Variants in PXDN observed in about 807,000 individuals in gnomAD.
PXDN encodes the protein peroxidasin homolog.
Under a neutral mutation model 140.3 loss-of-function variants are expected in PXDN, and 77 were observed. That is an observed-to-expected ratio of 0.55 (90% CI 0.46 to 0.66). PXDN has a LOEUF of 0.66. PXDN is among the 30% of genes least tolerant of loss of function. The pLI is 0.00. For synonymous variants in PXDN, 911 were observed against 857.4 expected (o/e 1.06, Z -1.09); for missense variants, 1,838 against 2,039.5 (o/e 0.90, Z 1.90).
intron 1 of PXDN, among the ~76,000 whole-genome samples, chr2:1,700,923 C>T (rs1319546087): frequency 2.0e-5 from 3 of 152,086 alleles, no homozygotes; most frequent in African/African-American, 7.2e-5. Flanking sequence ...GACTGTGCTG[C>T]TTCAGAGAGG....
chr2:1,740,063 G>A (rs975880658), intron 1 of PXDN, among the ~76,000 whole-genome samples: 2 of 152,218 alleles, frequency 1.3e-5, no homozygotes, highest in African/African-American at 4.8e-5. Context: ...GCAGTCTCCT[G>A]CCCAAAGGAG....
chr2:1,741,725 C>T (rs1021248086), intron 1 of PXDN, among the ~76,000 whole-genome samples: 2 of 151,960 alleles, frequency 1.3e-5, no homozygotes, highest in East Asian at 3.9e-4. Context: ...AACTTTGGGG[C>T]AGGTTTTTTT....
intron 22 of PXDN, among the ~76,000 whole-genome samples, chr2:1,634,571 C>T (rs187709840): frequency 2.3e-3 from 356 of 152,312 alleles, no homozygotes; most frequent in Non-Finnish European, 4.3e-3. Flanking sequence ...CCGTCCCACC[C>T]TTCCGTCCAT....
intron 6 of PXDN, among the ~76,000 whole-genome samples, chr2:1,683,081 G>T (rs1313997866): frequency 2.0e-5 from 3 of 151,642 alleles, no homozygotes; most frequent in Admixed American, 6.6e-5. Flanking sequence ...ATTTAAAGAC[G>T]ATTTAAATCG....
At chr2:1,736,623 C>G (rs1685428832) in intron 1 of PXDN, among the ~76,000 whole-genome samples, 1 of 151,890 alleles carries the variant, frequency 6.6e-6, no homozygotes, top group South Asian at 2.1e-4. Flanking sequence ...AGTTGAAGAC[C>G]AGCCTGGGCA....
chr2:1,724,209 C>A (rs1362661195), intron 1 of PXDN, among the ~76,000 whole-genome samples: 1 of 151,852 alleles, frequency 6.6e-6, no homozygotes, highest in Non-Finnish European at 1.5e-5. Flanking sequence ...TTTGTCCCCA[C>A]AGAAAAATAT....
At position 1,653,215 on chromosome 2, in the gene PXDN, C is replaced by G. The variant is rs147958321; in HGVS notation, c.2104+413G>C. On this transcript the variant is annotated intron_variant, in intron 16 of 22. Coordinates refer to ENST00000252804, the MANE Select transcript of PXDN (RefSeq NM_012293.3). ...CTGGTTTCACAGACCCGGGACTCTT[C>G]CAAAACAACCCTCCTAATACGCGTG... The G allele has an allele frequency of 7.1e-5, 23 of 322,240 alleles. 1 individual carries two copies. The East Asian group carries it at 1.8e-3, about 25-fold the overall frequency. The allele number at this position is 322,240 out of a possible 1,614,324, so 20.0% of individuals were successfully genotyped here. A position where few individuals can be genotyped will look rare whatever the true frequency, so the allele number is the denominator to read the frequency against.
Position 1,660,456 on chromosome 2 carries a change from C to A in PXDN, c.1837+425G>T, listed in dbSNP as rs375139144. On this transcript the variant is annotated intron_variant, in intron 14 of 22. Transcript: ENST00000252804. The surrounding 1 kb of genome is among the most constrained non-coding windows in gnomAD (Gnocchi z 4.6). ...CACTGAAAGATGCTTCCAGAGCATT[C>A]CTGGCCAAAGCCCGAGGAGAGAGAA... Among the ~76,000 whole-genome samples, 1 of 152,308 alleles carries A rather than the reference C, an allele frequency of 6.6e-6. No homozygotes were observed. Among genetic ancestry groups the A allele is most frequent in the Middle Eastern group, 3.4e-3 (1 of 294 alleles).
At chr2:1,659,161 T>A (rs1683245903) in intron 14 of PXDN, among the ~76,000 whole-genome samples, 1 of 152,202 alleles carries the variant, frequency 6.6e-6, no homozygotes, top group Non-Finnish European at 1.5e-5. Context: ...CAACATGTGC[T>A]CACACCGGAC....
chr2:1,649,553 T>G lies in PXDN; in HGVS notation c.2227A>C (p.Thr743Pro), dbSNP rs747095466. 6.2e-7 allele frequency: 1 copy of G among 1,614,018 alleles called. No individual in the cohort carries two copies. The highest frequency in any genetic ancestry group is 2.2e-5 in the East Asian group (1 of 44,876). Reference sequence around the variant, plus strand: ...AGGTTGTTACAGGTGCCGTCGTGCGTCCGGTACTTCTGGTGGAAGCACATG... The same window carrying G: ...AGGTTGTTACAGGTGCCGTCGTGCGGCCGGTACTTCTGGTGGAAGCACATG... ...SDMCFHQKYR[T>P]HDGTCNNLQH... The change falls in exon 17 of 23, where the codon ACG becomes CCG. Residue 743 changes from threonine to proline, a missense_variant. By Grantham distance (38) the Thr-to-Pro change is conservative. Transcript: ENST00000252804. This position sits in a 1 kb window ranked among gnomAD's most constrained non-coding sequence, Gnocchi z 7.1.
intron 1 of PXDN, among the ~76,000 whole-genome samples, chr2:1,713,124 T>C (rs972061431): frequency 6.6e-6 from 1 of 152,158 alleles, no homozygotes; most frequent in Non-Finnish European, 1.5e-5. Context: ...CTAGACCTGG[T>C]GATCTTGGGG....
At chr2:1,699,116 C>T (rs1410153893) in intron 1 of PXDN, among the ~76,000 whole-genome samples, 2 of 152,156 alleles carry the variant, frequency 1.3e-5, no homozygotes, top group Admixed American at 6.6e-5. Context: ...CACTGCAGAA[C>T]CACAGAATAG....
At chr2:1,652,694 C>T (rs889116347) in intron 16 of PXDN, among the ~76,000 whole-genome samples, 1 of 152,082 alleles carries the variant, frequency 6.6e-6, no homozygotes, top group Non-Finnish European at 1.5e-5. Flanking sequence ...TCAGCACCAA[C>T]AGGGCTCCAA....
At chr2:1,668,305 G>T (rs1683492974) in intron 9 of PXDN, among the ~76,000 whole-genome samples, 1 of 152,134 alleles carries the variant, frequency 6.6e-6, no homozygotes, top group South Asian at 2.1e-4. Context: ...TTAACTCAAA[G>T]ATGGATTAAA....
At chr2:1,679,155 T>C (rs1451549346) in intron 7 of PXDN, among the ~76,000 whole-genome samples, 2 of 150,628 alleles carry the variant, frequency 1.3e-5, no homozygotes, top group Non-Finnish European at 3.0e-5. Context: ...TGTGTGCATG[T>C]GTGTGTGGTG....
In PXDN at chr2:1,639,520, C is replaced by A. The variant is rs1229649461; in HGVS notation, c.3953-98G>T. The A allele has an allele frequency of 4.4e-5, 69 of 1,560,378 alleles. No homozygotes were observed. The highest frequency in any genetic ancestry group is 5.9e-5 in the Non-Finnish European group (67 of 1,144,950). On this transcript the variant is annotated intron_variant, in intron 19 of 22. Transcript: ENST00000252804. The surrounding 1 kb of genome is among the most constrained non-coding windows in gnomAD (Gnocchi z 5.0). ...AACTATGAAGTCTTCACTGGCTGCCCGTGGAACAAACTGTGGCACATTTCA... is the reference window on the plus strand; with the variant it reads ...AACTATGAAGTCTTCACTGGCTGCCAGTGGAACAAACTGTGGCACATTTCA...
chr2:1,719,834 TTGTGTGTGTGTGTG>T (rs36227356), intron 1 of PXDN, among the ~76,000 whole-genome samples: 43 of 108,348 alleles, frequency 4.0e-4, no homozygotes, highest in South Asian at 1.4e-3. Context: ...CATGCGTGCA[TTGTGTGTGTGTGTG>T]TGTGTGTGTG....
chr2:1,724,342 ATT>A lies in PXDN; in HGVS notation c.200+19912_200+19913del, dbSNP rs59658648. Among the ~76,000 whole-genome samples, 2,546 of 146,158 alleles carry A rather than the reference ATT, an allele frequency of 0.017. 243 individuals carry two copies. In the East Asian group the frequency reaches 0.31, roughly 18 times the overall value. ...TTTTTTTTTTTGGTCAGAAAGCAAT[ATT>A]TAATAGAGACTTACACAGAAAATAT... On this transcript the variant is annotated intron_variant, in intron 1 of 22. Transcript: ENST00000252804.
chr2:1,647,766 C>A (rs1682884499), intron 17 of PXDN, among the ~76,000 whole-genome samples: 1 of 152,252 alleles, frequency 6.6e-6, no homozygotes, highest in Non-Finnish European at 1.5e-5. Flanking sequence ...GCCCCTGATA[C>A]AACAGCAGGA....
Sources: gnomAD v4.1 joint callset for allele counts (sites outside exome capture counted in the v4.1 genomes callset) on GRCh38, gnomAD v4.1.1 for gene constraint, Gnocchi (gnomAD v3.1) non-coding constraint, MANE v1.5 for transcripts, NCBI Gene and HGNC (gene_info 2026-07-23, HGNC 2026-07-21) for gene names.